RBFOX1: variants seen among roughly 807,000 people sequenced by gnomAD.
RBFOX1 encodes the protein RNA binding protein fox-1 homolog 1.
RBFOX1 carries 8 observed loss-of-function variants against 57.7 expected under a neutral mutation model. That is an observed-to-expected ratio of 0.14 (90% CI 0.08 to 0.25). RBFOX1 has a LOEUF of 0.25. Ranked by LOEUF, RBFOX1 falls within the 10% of genes least tolerant of loss-of-function variation. The pLI is 1.00. For synonymous variants in RBFOX1, 326 were observed against 222.4 expected (o/e 1.47, Z -4.15); for missense variants, 611 against 548.5 (o/e 1.11, Z -1.14).
At chr16:6,637,059 T>A (rs1331193813) in intron 2 of RBFOX1, among the ~76,000 whole-genome samples, 1 of 93,952 alleles carries the variant, frequency 1.1e-5, no homozygotes, top group East Asian at 3.1e-4. Flanking sequence ...AACATATTTA[T>A]ATGTATAAAT....
chr16:7,275,258 TC>T (rs972519003), intron 4 of RBFOX1, among the ~76,000 whole-genome samples: 8 of 152,176 alleles, frequency 5.3e-5, no homozygotes, highest in African/African-American at 1.7e-4. Context: ...CATTGCTATT[TC>T]CCATGTATGT....
chr16:6,350,910 C>A (rs184596684), intron 2 of RBFOX1, among the ~76,000 whole-genome samples: 1 of 152,190 alleles, frequency 6.6e-6, no homozygotes, highest in African/African-American at 2.4e-5. Context: ...CACTCTTCTG[C>A]CTCCCTTAGT....
At chr16:5,656,495 CT>C (rs1567355020) in intron 3 of RBFOX1, among the ~76,000 whole-genome samples, 1 of 152,138 alleles carries the variant, frequency 6.6e-6, no homozygotes, top group African/African-American at 2.4e-5. Flanking sequence ...ACATATACAA[CT>C]TGTTAAGTTT....
At chr16:5,905,915 A>G (rs1432960849) in intron 4 of RBFOX1, among the ~76,000 whole-genome samples, 1 of 152,114 alleles carries the variant, frequency 6.6e-6, no homozygotes, top group Non-Finnish European at 1.5e-5. Flanking sequence ...CCGACGATGG[A>G]GGATAAGAAG....
intron 4 of RBFOX1, among the ~76,000 whole-genome samples, chr16:7,101,996 G>A (rs138533176): frequency 1.2e-4 from 18 of 152,280 alleles, no homozygotes; most frequent in Non-Finnish European, 2.5e-4. Flanking sequence ...AGACAAGGGT[G>A]CCGTTTTCCT....
At chr16:5,902,082 T>C (rs895101484) in intron 4 of RBFOX1, among the ~76,000 whole-genome samples, 3 of 152,242 alleles carry the variant, frequency 2.0e-5, no homozygotes, top group Non-Finnish European at 2.9e-5. Flanking sequence ...GAATTAATCA[T>C]ATTCCCTCTT....
chr16:6,878,555 C>G (rs1214172409), intron 3 of RBFOX1, among the ~76,000 whole-genome samples: 2 of 152,122 alleles, frequency 1.3e-5, no homozygotes, highest in African/African-American at 2.4e-5. Context: ...CATTTGTTGC[C>G]ACAGCATCAC....
At chr16:6,625,830 C>G (rs2098297489) in intron 2 of RBFOX1, among the ~76,000 whole-genome samples, 1 of 152,188 alleles carries the variant, frequency 6.6e-6, no homozygotes, top group Admixed American at 6.5e-5. Context: ...AATTATGTTT[C>G]TACATTTGCA....
chr16:6,587,105 T>G (rs2160177), intron 2 of RBFOX1, among the ~76,000 whole-genome samples: 50,224 of 151,946 alleles, frequency 0.33, 10,162 homozygotes, highest in Non-Finnish European at 0.45. Flanking sequence ...GTCACCATGA[T>G]GTACAACAGG....
intron 4 of RBFOX1, among the ~76,000 whole-genome samples, chr16:7,224,118 T>A (rs1345612171): frequency 2.2e-5 from 3 of 135,712 alleles, no homozygotes; most frequent in Admixed American, 1.5e-4. Flanking sequence ...TCCTGATTCT[T>A]CCTTTTTCTA....
chr16:6,876,622 G>A (rs565480984), intron 3 of RBFOX1, among the ~76,000 whole-genome samples: 16 of 151,972 alleles, frequency 1.1e-4, no homozygotes, highest in Admixed American at 2.6e-4. Context: ...TAAAAGACTT[G>A]TATCTATTTT....
chr16:5,728,294 C>T (rs2052230711), intron 3 of RBFOX1, among the ~76,000 whole-genome samples: 1 of 152,184 alleles, frequency 6.6e-6, no homozygotes, highest in Non-Finnish European at 1.5e-5. Context: ...AGAAGGAAAT[C>T]CTGCCATTTT....
At chr16:5,591,647 G>A (rs1300181594) in intron 2 of RBFOX1, among the ~76,000 whole-genome samples, 1 of 152,188 alleles carries the variant, frequency 6.6e-6, no homozygotes, top group Non-Finnish European at 1.5e-5. Context: ...ACAATGAACA[G>A]ATGTGGAGTA....
At chr16:7,361,282 C>T (rs1463973389) in intron 4 of RBFOX1, among the ~76,000 whole-genome samples, 3 of 152,206 alleles carry the variant, frequency 2.0e-5, no homozygotes, top group Non-Finnish European at 4.4e-5. Flanking sequence ...CTCGCTGGGC[C>T]TGCCTGTAAT....
intron 3 of RBFOX1, among the ~76,000 whole-genome samples, chr16:6,714,029 G>T (rs1050472298): frequency 1.3e-5 from 2 of 152,214 alleles, no homozygotes; most frequent in Non-Finnish European, 2.9e-5. Context: ...CCCATGTGTG[G>T]AGGAAGAGAA....
intron 3 of RBFOX1, among the ~76,000 whole-genome samples, chr16:7,019,957 A>G (rs2094122275): frequency 6.7e-6 from 1 of 149,044 alleles, no homozygotes; most frequent in Non-Finnish European, 1.5e-5. Context: ...CTGAAACTAT[A>G]TTCCCTTTCT....
At chr16:7,335,277 GC>G (rs1404670674) in intron 4 of RBFOX1, among the ~76,000 whole-genome samples, 4 of 152,154 alleles carry the variant, frequency 2.6e-5, no homozygotes, top group African/African-American at 7.2e-5. Flanking sequence ...CACTCAGGAG[GC>G]AAAGTATTTC....
At chr16:6,280,294 C>G (rs1316472670) in intron 1 of RBFOX1, among the ~76,000 whole-genome samples, 1 of 152,156 alleles carries the variant, frequency 6.6e-6, no homozygotes, top group Non-Finnish European at 1.5e-5. Flanking sequence ...GTCCTCGCTT[C>G]TCACAACTTC....
intron 4 of RBFOX1, among the ~76,000 whole-genome samples, chr16:5,950,783 C>A (rs1403225759): frequency 6.6e-6 from 1 of 151,714 alleles, no homozygotes; most frequent in South Asian, 2.1e-4. Flanking sequence ...CTTTTTTTTC[C>A]CTTGAGGGTA....
Sources: gnomAD v4.1 joint callset for allele counts (sites outside exome capture counted in the v4.1 genomes callset) on GRCh38, gnomAD v4.1.1 for gene constraint, MANE v1.5 for transcripts, NCBI Gene and HGNC (gene_info 2026-07-23, HGNC 2026-07-21) for gene names.